SLC24A2: variants seen among roughly 807,000 people sequenced by gnomAD.
SLC24A2 encodes solute carrier family 24 member 2.
In SLC24A2, 36 loss-of-function variants were observed where a neutral mutation model predicts 62.0. The ratio of observed to expected loss-of-function variants is 0.58; its 90% confidence interval spans 0.44 to 0.77. The LOEUF (loss-of-function observed/expected upper bound fraction) is 0.77. Among genes scored for constraint, SLC24A2 ranks in the 30% least tolerant of loss-of-function variants. The pLI, the probability that SLC24A2 is intolerant of heterozygous loss-of-function variation, is 0.00. For synonymous variants in SLC24A2, 358 were observed against 294.0 expected, an observed-to-expected ratio of 1.22 and a Z score of -2.23; for missense variants, 846 against 817.9, an observed-to-expected ratio of 1.03 and a Z score of -0.42.
the SLC24A2 span, among the ~76,000 whole-genome samples, chr9:20,064,497 T>A: frequency 6.6e-6 from 1 of 152,246 alleles, no homozygotes; most frequent in Non-Finnish European, 1.5e-5. Context: ...ACATTTTTTG[T>A]TTAAATTTTT....
chr9:20,303,942 A>T, the SLC24A2 span, among the ~76,000 whole-genome samples: 4 of 152,288 alleles, frequency 2.6e-5, no homozygotes, highest in East Asian at 7.7e-4. Context: ...ACTTGGGAAG[A>T]AAGTACCTTC....
the SLC24A2 span, among the ~76,000 whole-genome samples, chr9:19,922,056 G>A: frequency 1.5e-4 from 23 of 152,094 alleles, no homozygotes; most frequent in Non-Finnish European, 2.9e-5. Context: ...ATGCATGTTT[G>A]CATGTACGTC....
the SLC24A2 span, among the ~76,000 whole-genome samples, chr9:19,937,507 C>A: frequency 6.6e-6 from 1 of 152,152 alleles, no homozygotes; most frequent in South Asian, 2.1e-4. Flanking sequence ...CAGTTTTGTA[C>A]TAGCAGAATT....
chr9:19,648,019 G>A (rs559596554), intron 2 of SLC24A2, among the ~76,000 whole-genome samples: 1 of 152,242 alleles, frequency 6.6e-6, no homozygotes, highest in African/African-American at 2.4e-5. Flanking sequence ...ATAAGATGAA[G>A]AGCCAACTAG....
the SLC24A2 span, among the ~76,000 whole-genome samples, chr9:20,015,191 A>G: frequency 1.3e-5 from 2 of 152,162 alleles, no homozygotes; most frequent in African/African-American, 4.8e-5. Flanking sequence ...TTGCTTCTAC[A>G]TATCTGGTGC....
the SLC24A2 span, among the ~76,000 whole-genome samples, chr9:20,234,496 C>T: frequency 2.6e-5 from 4 of 152,306 alleles, no homozygotes; most frequent in Non-Finnish European, 4.4e-5. Context: ...ATCGCTGATA[C>T]CCTTTCTTCC....
chr9:19,911,061 TC>T, the SLC24A2 span, among the ~76,000 whole-genome samples: 2,269 of 97,882 alleles, frequency 0.023, 77 homozygotes, highest in African/African-American at 0.084. Flanking sequence ...AAGCTATCCC[TC>T]CCCCCTCCCC....
intron 9 of SLC24A2, among the ~76,000 whole-genome samples, chr9:19,525,480 T>A (rs1833403815): frequency 6.7e-6 from 1 of 148,740 alleles, no homozygotes. Context: ...CTTGGCTCAT[T>A]GCAGCCTTCA....
chr9:19,959,714 G>T, the SLC24A2 span, among the ~76,000 whole-genome samples: 1 of 152,058 alleles, frequency 6.6e-6, no homozygotes, highest in Admixed American at 6.6e-5. Flanking sequence ...TCAAACACAA[G>T]ACTCTTATTT....
At chr9:19,648,250 A>G (rs1197333446) in intron 2 of SLC24A2, among the ~76,000 whole-genome samples, 2 of 152,218 alleles carry the variant, frequency 1.3e-5, no homozygotes, top group East Asian at 3.8e-4. Context: ...AATCAGTGGT[A>G]CTGCCACATC....
chr9:19,629,413 T>C (rs1309082368), intron 2 of SLC24A2, among the ~76,000 whole-genome samples: 1 of 152,174 alleles, frequency 6.6e-6, no homozygotes, highest in African/African-American at 2.4e-5. Context: ...CTTTGATTTG[T>C]GTTTATTTTG....
At chr9:20,042,130 T>C in the SLC24A2 span, among the ~76,000 whole-genome samples, 5 of 152,300 alleles carry the variant, frequency 3.3e-5, no homozygotes, top group African/African-American at 9.6e-5. Flanking sequence ...GTGGCAGGAA[T>C]TGGCTGGGGT....
chr9:19,565,593 T>G (rs1428550507), intron 7 of SLC24A2, among the ~76,000 whole-genome samples: 2 of 152,070 alleles, frequency 1.3e-5, no homozygotes, highest in East Asian at 1.9e-4. Flanking sequence ...AATGAATAAC[T>G]TTTTTCACAG....
chr9:19,703,826 T>C (rs796793864), intron 2 of SLC24A2, among the ~76,000 whole-genome samples: 3 of 152,306 alleles, frequency 2.0e-5, no homozygotes, highest in African/African-American at 7.2e-5. Context: ...AAGTATGTAA[T>C]CATAGCACAT....
the SLC24A2 span, among the ~76,000 whole-genome samples, chr9:20,185,933 C>T: frequency 6.6e-6 from 1 of 152,080 alleles, no homozygotes; most frequent in Non-Finnish European, 1.5e-5. Flanking sequence ...TATGCCAGTC[C>T]CTCTCCAAGG....
intron 2 of SLC24A2, among the ~76,000 whole-genome samples, chr9:19,650,092 T>A (rs1012665017): frequency 6.6e-6 from 1 of 152,180 alleles, no homozygotes; most frequent in Non-Finnish European, 1.5e-5. Context: ...GGGTTTTACC[T>A]CGTAGGCTAT....
At chr9:19,993,423 C>T in the SLC24A2 span, among the ~76,000 whole-genome samples, 1 of 152,168 alleles carries the variant, frequency 6.6e-6, no homozygotes, top group African/African-American at 2.4e-5. Context: ...AAAATGGGCT[C>T]ATGGCTATTT....
the SLC24A2 span, among the ~76,000 whole-genome samples, chr9:19,841,168 T>C: frequency 6.6e-6 from 1 of 152,052 alleles, no homozygotes; most frequent in Non-Finnish European, 1.5e-5. Context: ...GATGCAAAAA[T>C]GAACAAAAAA....
chr9:20,072,159 T>A, the SLC24A2 span, among the ~76,000 whole-genome samples: 1 of 152,116 alleles, frequency 6.6e-6, no homozygotes, highest in African/African-American at 2.4e-5. Context: ...AGGTTATCTA[T>A]GATTGAAGCA....
Sources: allele counts gnomAD v4.1 joint callset (sites outside exome capture counted in the v4.1 genomes callset), GRCh38; gene constraint gnomAD v4.1.1; transcripts MANE v1.5; gene names NCBI Gene and HGNC (gene_info 2026-07-23, HGNC 2026-07-21).